SUMF1: variants seen among roughly 807,000 people sequenced by gnomAD.
SUMF1 encodes sulfatase modifying factor 1, also known as formylglycine-generating enzyme.
SUMF1 carries 48 observed loss-of-function variants against 47.6 expected under a neutral mutation model. The ratio of observed to expected loss-of-function variants is 1.01; its 90% CI spans 0.80 to 1.28. SUMF1 has a LOEUF of 1.28. SUMF1 is among the 50% of genes most tolerant of loss of function. The probability of loss-of-function intolerance (pLI) is 0.00; values close to 1 mark genes in which losing one functional copy is unlikely to be tolerated. For synonymous variants in SUMF1, 230 were observed against 192.1 expected, an observed-to-expected ratio of 1.20 and a Z score of -1.63; for missense variants, 571 against 485.4, an observed-to-expected ratio of 1.18 and a Z score of -1.66.
intron 7 of SUMF1, among the ~76,000 whole-genome samples, chr3:4,401,993 A>C (rs1236488666): frequency 1.3e-5 from 2 of 152,172 alleles, no homozygotes; most frequent in Non-Finnish European, 2.9e-5. Flanking sequence ...AAACAGCTCT[A>C]CTGCTCCATA....
chr3:4,179,720 G>T (rs1446206801), intron 8 of SUMF1, among the ~76,000 whole-genome samples: 1 of 152,108 alleles, frequency 6.6e-6, no homozygotes, highest in Non-Finnish European at 1.5e-5. Context: ...AAGAGCTTCT[G>T]CACGGCAAGA....
intron 8 of SUMF1, among the ~76,000 whole-genome samples, chr3:4,363,940 T>G (rs577674950): frequency 6.9e-6 from 1 of 145,924 alleles, no homozygotes; most frequent in Non-Finnish European, 1.5e-5. Flanking sequence ...TGAAGGGTTG[T>G]TGAATTGTGT....
chr3:4,300,612 T>C (rs570950625), intron 8 of SUMF1, among the ~76,000 whole-genome samples: 3 of 152,326 alleles, frequency 2.0e-5, no homozygotes, highest in South Asian at 2.1e-4. Context: ...TGATGAACTA[T>C]GAGTGCAAAG....
intron 9 of SUMF1, among the ~76,000 whole-genome samples, chr3:4,045,496 A>G (rs967364479): frequency 6.6e-6 from 1 of 151,968 alleles, no homozygotes; most frequent in Non-Finnish European, 1.5e-5. Flanking sequence ...CAGCAGTGCT[A>G]TAAGAATAAA....
intron 8 of SUMF1, among the ~76,000 whole-genome samples, chr3:4,140,828 T>C (rs2125096180): frequency 6.6e-6 from 1 of 152,168 alleles, no homozygotes; most frequent in East Asian, 1.9e-4. Flanking sequence ...GCTGTAAACT[T>C]TTTTAAAAAG....
At chr3:4,449,945 C>G (rs567693628) in intron 2 of SUMF1, among the ~76,000 whole-genome samples, 33 of 152,192 alleles carry the variant, frequency 2.2e-4, no homozygotes, top group Non-Finnish European at 4.0e-4. Context: ...AACCATGACT[C>G]TCCTCCTACA....
At chr3:4,376,212 G>GGGGTTAGGTAGGTTAGGGGTTAGGTTC in intron 8 of SUMF1, 118 bp downstream of exon 8, 1 of 1,236,902 alleles carries the variant, frequency 8.1e-7, no homozygotes, top group South Asian at 1.2e-5. Context: ...TCTGGTTTCA[G>GGGGTTAGGTAGGTTAGGGGTTAGGTTC]TGGGGTTAGG....
intron 8 of SUMF1, among the ~76,000 whole-genome samples, chr3:4,242,026 G>C (rs1696548707): frequency 6.6e-6 from 1 of 152,038 alleles, no homozygotes; most frequent in African/African-American, 2.4e-5. Flanking sequence ...GAAAGGAAAA[G>C]GGAAGATAGC....
chr3:4,445,653 T>C (rs1165371771), intron 3 of SUMF1, among the ~76,000 whole-genome samples: 1 of 152,196 alleles, frequency 6.6e-6, no homozygotes, highest in African/African-American at 2.4e-5. Flanking sequence ...CCATAAAATA[T>C]ATTTAAATCC....
At chr3:4,364,918 T>A (rs1415465450) in intron 8 of SUMF1, among the ~76,000 whole-genome samples, 297 of 151,054 alleles carry the variant, frequency 2.0e-3, no homozygotes, top group Middle Eastern at 0.01. Context: ...GATTCTGGTA[T>A]GTTGTGTCTT....
chr3:4,362,203 T>C lies in SUMF1; in HGVS notation c.1066A>G (p.Ser356Gly), dbSNP rs1699786984. ...CGGAATCCCAGATTCGAAGCAGAGC[T>C]ATCAGGTGTGTTCTGGCTCCGAGCA... The part of the protein sequence containing the change: ...CAARSQNTPD[S>G]SASNLGFRCA... The change falls in exon 9 of 9, where the codon AGC becomes GGC. Residue 356 changes from serine to glycine, a missense_variant. Physicochemically the swap from Ser to Gly is moderately conservative, Grantham distance 56. Transcript: ENST00000272902. The C allele has an allele frequency of 1.2e-6, 2 of 1,614,086 alleles. No individual in the cohort carries two copies. Among genetic ancestry groups the C allele is most frequent in the African/African-American group, 2.7e-5 (2 of 74,938 alleles).
intron 1 of SUMF1, among the ~76,000 whole-genome samples, chr3:4,458,514 G>A (rs945225677): frequency 2.0e-5 from 3 of 152,054 alleles, no homozygotes; most frequent in East Asian, 1.9e-4. Context: ...TAAAGAAAAT[G>A]TTTATATATA....
At chr3:4,195,584 T>C (rs1260690824) in intron 8 of SUMF1, among the ~76,000 whole-genome samples, 1 of 152,174 alleles carries the variant, frequency 6.6e-6, no homozygotes, top group East Asian at 1.9e-4. Context: ...AGAATCATTC[T>C]AGGTATTATT....
At chr3:4,284,874 A>G (rs965484227) in intron 8 of SUMF1, among the ~76,000 whole-genome samples, 1 of 152,208 alleles carries the variant, frequency 6.6e-6, no homozygotes, top group Non-Finnish European at 1.5e-5. Flanking sequence ...TAAACTGAAT[A>G]TCTTAGTAAT....
chr3:4,247,160 G>GAAAC, intron 8 of SUMF1, among the ~76,000 whole-genome samples: 1 of 152,196 alleles, frequency 6.6e-6, no homozygotes, highest in Non-Finnish European at 1.5e-5. Flanking sequence ...CCCAGATGGT[G>GAAAC]AAACAGTGTG....
Position 4,452,966 on chromosome 3 carries a change from T to A in SUMF1, c.354A>T (p.Arg118Ser). Residue 118 changes from arginine (R) to serine (S), a missense_variant, in exon 2 of 9, where the codon AGA becomes AGT. By Grantham distance (110) the Arg-to-Ser change is moderately radical. Transcript: ENST00000272902. ...CCATGTAAAAGGCATCAATAGTAAC[T>A]CTCCTCGCAGGTGCTTCCCCATCCT... ...IKQDGEAPAR[R>S]VTIDAFYMDA... 1.2e-6 allele frequency: 2 copies of A among 1,614,132 alleles called. No homozygotes were observed. The highest frequency in any genetic ancestry group is 8.5e-7 in the Non-Finnish European group (1 of 1,180,038).
rs60745237 is a variant in SUMF1 at position 4,224,718 on chromosome 3, G to GA, written c.1014+151611dup. Among the ~76,000 whole-genome samples, 1,392 of 149,608 alleles carry GA rather than the reference G, an allele frequency of 9.3e-3. 23 individuals are homozygous for GA. Among genetic ancestry groups the GA allele is most frequent in the African/African-American group, 0.028 (1,161 of 40,846 alleles). On this transcript the variant is annotated intron_variant and NMD_transcript_variant, in intron 8 of 12. Coordinates refer to the SUMF1 transcript ENST00000448413. ...GCCAATCAGATCTTTCTCTGGGCATGAAAAAAAAATGGACCTTGGAAAGAA... is the reference window on the plus strand; with the variant it reads ...GCCAATCAGATCTTTCTCTGGGCATGAAAAAAAAAATGGACCTTGGAAAGAA...
rs1441234567 is a variant in SUMF1 at position 4,451,389 on chromosome 3, T to C, written c.444+1487A>G. On this transcript the variant is annotated intron_variant, in intron 2 of 8. Transcript: ENST00000272902. Reference sequence around the variant, plus strand: ...CATCATAATTGAAGAAAATACTACATTGTGGCTCGAGGGTAGTAAATAACC... The same window carrying C: ...CATCATAATTGAAGAAAATACTACACTGTGGCTCGAGGGTAGTAAATAACC... Among the ~76,000 whole-genome samples, 4 of 152,240 alleles carry C rather than the reference T, an allele frequency of 2.6e-5. 1 individual carries two copies. The highest frequency in any genetic ancestry group is 1.3e-4 in the Admixed American group (2 of 15,284).
intron 8 of SUMF1, among the ~76,000 whole-genome samples, chr3:4,120,540 G>A (rs1373570572): frequency 1.3e-5 from 2 of 152,110 alleles, no homozygotes; most frequent in Admixed American, 1.3e-4. Context: ...AAATAATCAT[G>A]ATACTGCCTG....
Sources: allele counts gnomAD v4.1 joint callset (sites outside exome capture counted in the v4.1 genomes callset), GRCh38; gene constraint gnomAD v4.1.1; transcripts MANE v1.5; gene names NCBI Gene and HGNC (gene_info 2026-07-23, HGNC 2026-07-21).